The following GRID2 variants were observed in gnomAD, a reference collection of about 807,000 sequenced individuals.
GRID2 encodes the protein glutamate ionotropic receptor delta type subunit 2.
A neutral mutation model predicts 114.8 loss-of-function variants in GRID2; 33 were observed. That is an observed-to-expected ratio of 0.29 (90% CI 0.22 to 0.38). GRID2 has a LOEUF of 0.38. GRID2 is among the 10% of genes least tolerant of loss of function. GRID2 has a pLI of 1.00. For missense variants in GRID2, 1,184 were observed against 1,257.7 expected, an observed-to-expected ratio of 0.94 and a Z score of 0.89; for synonymous variants, 505 against 449.9, an observed-to-expected ratio of 1.12 and a Z score of -1.55.
At chr4:92,521,738 A>G (rs1243636704) in intron 1 of GRID2, among the ~76,000 whole-genome samples, 1 of 151,996 alleles carries the variant, frequency 6.6e-6, no homozygotes, top group Admixed American at 6.6e-5. Context: ...GGGGCATTAT[A>G]AGAAAAGACA....
At chr4:93,093,080 T>A (rs1730920280) in intron 3 of GRID2, among the ~76,000 whole-genome samples, 1 of 152,028 alleles carries the variant, frequency 6.6e-6, no homozygotes, top group South Asian at 2.1e-4. Context: ...CTCACGGCCC[T>A]TTAGAGTCAG....
At chr4:92,678,267 C>T (rs868371436) in intron 2 of GRID2, among the ~76,000 whole-genome samples, 32 of 152,150 alleles carry the variant, frequency 2.1e-4, no homozygotes, top group Middle Eastern at 3.4e-3. Context: ...TATGTTACTT[C>T]TGTGTTTTAT....
intron 1 of GRID2, among the ~76,000 whole-genome samples, chr4:92,551,746 T>A (rs1010153172): frequency 6.6e-6 from 1 of 152,138 alleles, no homozygotes; most frequent in Non-Finnish European, 1.5e-5. Flanking sequence ...CAGACAATTA[T>A]AAACATGTTG....
At chr4:93,785,988 C>T (rs1481513580) in intron 1 of GRID2, among the ~76,000 whole-genome samples, 2 of 152,152 alleles carry the variant, frequency 1.3e-5, no homozygotes, top group Non-Finnish European at 1.5e-5. Flanking sequence ...ACATCCAACA[C>T]TGTGGAGGAT....
chr4:93,607,181 G>C (rs1222457090), intron 13 of GRID2, among the ~76,000 whole-genome samples: 1 of 151,850 alleles, frequency 6.6e-6, no homozygotes, highest in Non-Finnish European at 1.5e-5. Context: ...ATAACAAATG[G>C]AATACATAGT....
intron 12 of GRID2, among the ~76,000 whole-genome samples, chr4:93,508,011 G>A (rs1303693826): frequency 6.6e-6 from 1 of 151,814 alleles, no homozygotes; most frequent in East Asian, 1.9e-4. Context: ...ACTGCTGTGG[G>A]GTGGGGGAAT....
At chr4:92,927,641 G>A (rs976795419) in intron 2 of GRID2, among the ~76,000 whole-genome samples, 1 of 151,776 alleles carries the variant, frequency 6.6e-6, no homozygotes, top group African/African-American at 2.4e-5. Flanking sequence ...TATATCTTCA[G>A]TGTTTTTTGC....
chr4:93,044,761 G>C (rs182909267), intron 2 of GRID2, among the ~76,000 whole-genome samples: 1 of 152,060 alleles, frequency 6.6e-6, no homozygotes, highest in South Asian at 2.1e-4. Context: ...TAACCTCATG[G>C]CCTGGAAGAG....
chr4:92,586,040 G>A (rs1457163249), intron 1 of GRID2, among the ~76,000 whole-genome samples: 2 of 123,432 alleles, frequency 1.6e-5, no homozygotes, highest in African/African-American at 6.5e-5. Flanking sequence ...CTAATTTAAT[G>A]TTAAAAAGAT....
chr4:93,204,877 CTT>C (rs938661739), intron 4 of GRID2, among the ~76,000 whole-genome samples: 5 of 152,164 alleles, frequency 3.3e-5, no homozygotes, highest in African/African-American at 9.7e-5. Context: ...ATGAGGATAA[CTT>C]AAGCTAAATA....
chr4:92,649,377 T>G (rs576868318), intron 2 of GRID2, among the ~76,000 whole-genome samples: 1 of 150,618 alleles, frequency 6.6e-6, no homozygotes, highest in Admixed American at 6.6e-5. Context: ...TGAGCTCTGA[T>G]GCCTAATACC....
intron 2 of GRID2, among the ~76,000 whole-genome samples, chr4:92,627,498 A>T (rs1037873501): frequency 2.0e-5 from 3 of 152,144 alleles, no homozygotes; most frequent in Non-Finnish European, 4.4e-5. Context: ...TTAGTAAATT[A>T]TTAGCTGAGT....
chr4:93,683,884 A>G (rs981854593), intron 14 of GRID2, among the ~76,000 whole-genome samples: 4 of 152,110 alleles, frequency 2.6e-5, no homozygotes, highest in African/African-American at 4.8e-5. Flanking sequence ...AAATTACTCA[A>G]TGACACTTTT....
intron 2 of GRID2, among the ~76,000 whole-genome samples, chr4:93,023,631 G>T (rs910029916): frequency 6.6e-6 from 1 of 151,856 alleles, no homozygotes; most frequent in Non-Finnish European, 1.5e-5. Context: ...AAGCTTAAAA[G>T]TGGGGTCTAT....
intron 2 of GRID2, among the ~76,000 whole-genome samples, chr4:92,605,944 T>G (rs1384502717): frequency 1.4e-5 from 2 of 147,144 alleles, no homozygotes; most frequent in Non-Finnish European, 3.0e-5. Context: ...ACTGGACCCT[T>G]TTTAGATTTT....
intron 8 of GRID2, among the ~76,000 whole-genome samples, chr4:93,350,386 C>T (rs1760684349): frequency 6.6e-6 from 1 of 152,000 alleles, no homozygotes; most frequent in African/African-American, 2.4e-5. Flanking sequence ...CAATATCCTT[C>T]CAAGACATCA....
intron 1 of GRID2, among the ~76,000 whole-genome samples, chr4:92,305,711 C>A (rs571295321): frequency 3.1e-4 from 47 of 152,276 alleles, no homozygotes; most frequent in African/African-American, 1.1e-3. Flanking sequence ...GGGCGGGGGG[C>A]TGCGCGTCAT....
chr4:93,128,062 A>AAAAAAT (rs1253120669), intron 4 of GRID2, among the ~76,000 whole-genome samples: 2 of 134,766 alleles, frequency 1.5e-5, no homozygotes, highest in African/African-American at 2.8e-5. Flanking sequence ...AAAAAAAACA[A>AAAAAAT]CAGTACGTGC....
At chr4:93,241,474 G>A (rs1017237344) in intron 8 of GRID2, among the ~76,000 whole-genome samples, 7 of 151,526 alleles carry the variant, frequency 4.6e-5, no homozygotes, top group African/African-American at 1.5e-4. Flanking sequence ...AACTCCATAC[G>A]TTCCTGGGAT....
Sources: allele counts gnomAD v4.1 joint callset (sites outside exome capture counted in the v4.1 genomes callset), GRCh38; gene constraint gnomAD v4.1.1; transcripts MANE v1.5; gene names NCBI Gene and HGNC (gene_info 2026-07-23, HGNC 2026-07-21).